Variants in LTBP2 observed in about 807,000 individuals in gnomAD.
LTBP2 encodes the protein latent-transforming growth factor beta-binding protein 2.
Under a neutral mutation model 210.6 loss-of-function variants are expected in LTBP2, and 103 were observed. The ratio of observed to expected loss-of-function variants is 0.49; its 90% CI spans 0.42 to 0.58. LTBP2 has a LOEUF of 0.58. Ranked by LOEUF, LTBP2 falls within the 20% of genes least tolerant of loss-of-function variation. LTBP2 has a pLI of 0.00. For missense variants in LTBP2, 2,313 were observed against 2,494.5 expected (o/e 0.93, Z 1.55); for synonymous variants, 1,007 against 1,015.0 (o/e 0.99, Z 0.15).
chr14:74,552,855 G>T, intron 5 of LTBP2, 37 bp downstream of exon 5: 2 of 1,596,418 alleles, frequency 1.3e-6, no homozygotes, highest in Non-Finnish European at 1.7e-6. Context: ...ACCCTCCAGG[G>T]CCAGCTGGGA....
rs1279687794 is a variant in LTBP2, at chr14:74,499,713, G to A, written c.*1171C>T. On this transcript the variant is annotated 3_prime_UTR_variant, in exon 36 of 36. Coordinates refer to ENST00000261978, the MANE Select transcript of LTBP2 (RefSeq NM_000428.3). The stretch of plus-strand genomic sequence containing the variant: ...CTAATATTTAGACTTAGCCAACATG[G>A]TAAAGAAATTTAATCTGATATGAAA... 1.3e-5 allele frequency: 3 copies of A among 225,772 alleles called. No individual in the cohort carries two copies. In the East Asian group the frequency reaches 1.9e-4, roughly 14 times the overall value. The allele number at this position is 225,772 out of a possible 1,614,324, so 14.0% of individuals were successfully genotyped here.
Position 74,585,917 on chromosome 14 carries a change from G to T in LTBP2, c.767C>A (p.Thr256Asn). The change falls in exon 3 of 36, where the codon ACC becomes AAC. Residue 256 changes from threonine (T) to asparagine (N), a missense_variant. Coordinates refer to ENST00000261978, the MANE Select transcript of LTBP2 (RefSeq NM_000428.3). ...LRRSSAAGEGTLARAQPPAPQ... is the reference protein window; with the variant it reads ...LRRSSAAGEGNLARAQPPAPQ... ...TGCTGGCGGCTGTGCTCTGGCCAAGGTGCCCTCTCCAGCCGCACTGCTCCT... is the reference window on the plus strand; with the variant it reads ...TGCTGGCGGCTGTGCTCTGGCCAAGTTGCCCTCTCCAGCCGCACTGCTCCT... The T allele has an allele frequency of 6.2e-7, 1 of 1,613,852 alleles. No individual in the cohort carries two copies. The highest frequency in any genetic ancestry group is 8.5e-7 in the Non-Finnish European group (1 of 1,179,916).
Position 74,521,997 on chromosome 14 carries a change from C to A in LTBP2, c.2702G>T (p.Arg901Leu), listed in dbSNP as rs375251079. ...CLRDPCKGKG[R>L]CINRVGSYSC... ...GTAGGACCCCACGCGGTTGATGCAG[C>A]GCCCTTTTCCCTTGCAGGGGTCCCT... The change falls in exon 17 of 36, where the codon CGC (arginine) becomes CTC (leucine). Residue 901 changes from arginine (R) to leucine (L), a missense_variant. Arg to Leu is a moderately radical substitution (Grantham distance 102). Transcript: ENST00000261978. 2.5e-6 allele frequency: 4 copies of A among 1,613,880 alleles called. No homozygotes were observed. The South Asian group carries it at 4.4e-5, about 18-fold the overall frequency.
chr14:74,607,593 C>T (rs972918758), intron 1 of LTBP2, among the ~76,000 whole-genome samples: 2 of 152,042 alleles, frequency 1.3e-5, no homozygotes, highest in Admixed American at 1.3e-4. Context: ...TAATATACAA[C>T]AGTTAAAATG....
chr14:74,522,839 A>G lies in LTBP2; in HGVS notation c.2610T>C (p.Cys870=), dbSNP rs994766307. 6.2e-7 allele frequency: 1 copy of G among 1,612,496 alleles called. No homozygotes were observed. ...GCAGCTGGTAGCCAGGGCTGCAGAC[A>G]CATCTGTATCCATCGGGGAGGTTCA... The part of the protein sequence containing the change: ...TCVNLPDGYR[C]VCSPGYQLHP... Residue 870 remains cysteine, a synonymous_variant, in exon 16 of 36, where the codon TGT becomes TGC. Transcript: ENST00000261978.
intron 7 of LTBP2, 122 bp downstream of exon 7, chr14:74,550,942 G>C (rs2087644537): frequency 7.8e-6 from 10 of 1,280,122 alleles, no homozygotes; most frequent in African/African-American, 1.5e-5. Flanking sequence ...CTGGGAAATG[G>C]GAGAGTCTGC....
In LTBP2 at chr14:74,498,531, A is replaced by T. The variant is rs552983028; in HGVS notation, c.*2353T>A. The T allele has an allele frequency of 1.0e-4, 22 of 215,444 alleles. No homozygotes were observed. In the South Asian group the frequency reaches 3.9e-3, roughly 38 times the overall value. 13.3% of individuals were successfully genotyped at this position (215,444 alleles called of 1,614,324 possible). A position where few individuals can be genotyped will look rare whatever the true frequency, so the allele number is the denominator to read the frequency against. ...ATGAGGCAGCTCTAATTGCAAGTAT[A>T]AAAAAAAAGCAAAGTGCAGAACAGC... is the stretch of plus-strand genomic sequence containing the variant. On this transcript the variant is annotated 3_prime_UTR_variant, in exon 36 of 36. Coordinates refer to ENST00000261978, the MANE Select transcript of LTBP2 (RefSeq NM_000428.3).
chr14:74,561,424 C>CT (rs1311231609), intron 3 of LTBP2, among the ~76,000 whole-genome samples: 3 of 152,090 alleles, frequency 2.0e-5, no homozygotes, highest in Admixed American at 6.5e-5. Flanking sequence ...AATGAAAAAA[C>CT]TGAGTTGCAG....
intron 18 of LTBP2, among the ~76,000 whole-genome samples, chr14:74,511,946 T>C (rs946207949): frequency 6.6e-6 from 1 of 152,152 alleles, no homozygotes; most frequent in Non-Finnish European, 1.5e-5. Flanking sequence ...AGACATTTCT[T>C]CCAGCCAAGA....
intron 2 of LTBP2, among the ~76,000 whole-genome samples, 183 bp downstream of exon 2, chr14:74,603,452 T>C (rs2088477527): frequency 1.3e-5 from 2 of 152,188 alleles, no homozygotes; most frequent in African/African-American, 2.4e-5. Flanking sequence ...TTTAAACCTC[T>C]TCCCTTCCAT....
chr14:74,525,193 C>T lies in LTBP2; in HGVS notation c.2461G>A (p.Gly821Arg). Residue 821 changes from glycine to arginine, a missense_variant, in exon 15 of 36, where the codon GGG (glycine) becomes AGG (arginine). By Grantham distance (125) the Gly-to-Arg change is moderately radical. Transcript: ENST00000261978. ...TGTTCTTCCTGTATCTCTGCAATCC[C>T]CTGTTCAGGCATTGGTGGGGTTGTG... Reference protein sequence around the residue: ...NATTPPMPEQGIAEIQEEQVT... With the variant: ...NATTPPMPEQRIAEIQEEQVT... 1 of 1,331,432 alleles carries T rather than the reference C, an allele frequency of 7.5e-7. No individual in the cohort carries two copies. The highest frequency in any genetic ancestry group is 2.7e-5 in the South Asian group (1 of 36,712). 82.5% of individuals were successfully genotyped at this position (1,331,432 alleles called of 1,614,324 possible).
At position 74,501,533 on chromosome 14, in the gene LTBP2, C is replaced by A; in HGVS notation, c.5228G>T (p.Cys1743Phe). ...CACGCGCACACAGCGGCCATTCTCA[C>A]AGCCGTTCAGGATGCCGCACTCCTC... ...QAEECGILNGCENGRCVRVRE... is the reference protein window; with the variant it reads ...QAEECGILNGFENGRCVRVRE... The change falls in exon 35 of 36, where the codon TGT becomes TTT. Residue 1743 changes from cysteine to phenylalanine, a missense_variant. Cys to Phe is a radical substitution (Grantham distance 205). Transcript: ENST00000261978. 6.2e-7 allele frequency: 1 copy of A among 1,614,222 alleles called. No individual in the cohort carries two copies. Among genetic ancestry groups the A allele is most frequent in the African/African-American group, 1.3e-5 (1 of 75,068 alleles).
chr14:74,593,711 C>G (rs1425861051), intron 2 of LTBP2, among the ~76,000 whole-genome samples: 2 of 152,170 alleles, frequency 1.3e-5, no homozygotes, highest in African/African-American at 4.8e-5. Context: ...GGCTACCACA[C>G]TGGACAGCAA....
chr14:74,590,131 A>G (rs2088261949), intron 2 of LTBP2, among the ~76,000 whole-genome samples: 1 of 152,218 alleles, frequency 6.6e-6, no homozygotes, highest in South Asian at 2.1e-4. Context: ...CATTACTAAA[A>G]AGTCACAAAA....
At chr14:74,503,176 G>A (rs373992097) in intron 33 of LTBP2, 43 bp downstream of exon 33, 9 of 1,608,454 alleles carry the variant, frequency 5.6e-6, no homozygotes, top group African/African-American at 5.3e-5. Context: ...CCTCCCTGGG[G>A]CCTGGCCCAG....
intron 1 of LTBP2, among the ~76,000 whole-genome samples, chr14:74,611,174 G>T (rs1258174672): frequency 1.3e-5 from 2 of 152,234 alleles, no homozygotes; most frequent in African/African-American, 4.8e-5. Context: ...GAGGAACGCG[G>T]GCGAGTGGAG....
At chr14:74,588,048 G>T in intron 2 of LTBP2, among the ~76,000 whole-genome samples, 1 of 152,064 alleles carries the variant, frequency 6.6e-6, no homozygotes, top group East Asian at 1.9e-4. Flanking sequence ...TTTCCCACTT[G>T]CTCTCCATTT....
chr14:74,508,694 G>A lies in LTBP2; in HGVS notation c.3562C>T (p.Pro1188Ser), dbSNP rs2087025077. 4 of 1,613,754 alleles carry A rather than the reference G, an allele frequency of 2.5e-6. No individual in the cohort carries two copies. The African/African-American group carries it at 4.0e-5, about 16-fold the overall frequency. ...TGGCTGTTGAGGCACTCGCCGTGGG[G>A]TGCGCAGTGCTCCTCCCCCATGCAC... ...NECMGEEHCA[P>S]HGECLNSHGS... Residue 1188 changes from proline (P) to serine (S), a missense_variant, in exon 24 of 36, where the codon CCC (proline) becomes TCC (serine). By Grantham distance (74) the Pro-to-Ser change is moderately conservative. Transcript: ENST00000261978.
At chr14:74,550,001 C>A (rs1055236238) in intron 7 of LTBP2, 36 bp from the exon 8 acceptor site, 1 of 1,325,618 alleles carries the variant, frequency 7.5e-7, no homozygotes, top group Non-Finnish European at 1.1e-6. Context: ...GTGACCACCC[C>A]CCTTCCCTCC....
Sources: gnomAD v4.1 joint callset for allele counts (sites outside exome capture counted in the v4.1 genomes callset) on GRCh38, gnomAD v4.1.1 for gene constraint, MANE v1.5 for transcripts, NCBI Gene and HGNC (gene_info 2026-07-23, HGNC 2026-07-21) for gene names.